Variants in TMCC1 observed in about 807,000 individuals in gnomAD.
TMCC1 encodes the protein transmembrane and coiled-coil domain family 1.
Under a neutral mutation model 52.4 loss-of-function variants are expected in TMCC1, and 15 were observed. The observed-to-expected ratio is 0.29, with a 90% CI of 0.19 to 0.44. The LOEUF is 0.44. Ranked by LOEUF, TMCC1 falls within the 20% of genes least tolerant of loss-of-function variation. The pLI is 1.00. For synonymous variants in TMCC1, 279 were observed against 301.9 expected (o/e 0.92, Z 0.79); for missense variants, 503 against 806.0 (o/e 0.62, Z 4.55).
At chr3:129,758,481 GAACCCAAAT>G (rs1488092129) in intron 4 of TMCC1, among the ~76,000 whole-genome samples, 2 of 152,152 alleles carry the variant, frequency 1.3e-5, no homozygotes, top group Non-Finnish European at 2.9e-5. Flanking sequence ...GCTAAATCCA[GAACCCAAAT>G]CTTGGTTGCT....
chr3:129,734,384 A>G (rs1014456699), intron 4 of TMCC1, among the ~76,000 whole-genome samples: 2 of 152,206 alleles, frequency 1.3e-5, no homozygotes, highest in Admixed American at 6.5e-5. Context: ...AAACAAAACT[A>G]TATGTTTTTT....
chr3:129,840,731 A>G (rs147686642), intron 2 of TMCC1, among the ~76,000 whole-genome samples: 23 of 152,322 alleles, frequency 1.5e-4, no homozygotes, highest in African/African-American at 4.8e-4. Flanking sequence ...CATGTAAGAC[A>G]TGCCTTTCTT....
chr3:129,756,108 A>G, intron 4 of TMCC1, among the ~76,000 whole-genome samples: 1 of 125,654 alleles, frequency 8.0e-6, no homozygotes, highest in Non-Finnish European at 1.8e-5. Flanking sequence ...AAGAAAAAAA[A>G]AAAAAAAGAA....
At chr3:129,841,069 T>C (rs1036217024) in intron 2 of TMCC1, among the ~76,000 whole-genome samples, 3 of 152,200 alleles carry the variant, frequency 2.0e-5, no homozygotes, top group African/African-American at 4.8e-5. Context: ...GATTGTGATA[T>C]GGACAATGAA....
intron 4 of TMCC1, among the ~76,000 whole-genome samples, chr3:129,826,379 C>T (rs954085466): frequency 2.7e-5 from 4 of 150,662 alleles, no homozygotes; most frequent in African/African-American, 7.3e-5. Flanking sequence ...TGCTGGCATG[C>T]GCCTGTAGTA....
rs145583814 is a variant in TMCC1 at position 129,820,440 on chromosome 3, C to T, written c.576+7363G>A. 3.6e-3 allele frequency among the ~76,000 whole-genome samples: 544 copies of T among 151,976 alleles called. 2 individuals are homozygous for T. Among genetic ancestry groups the T allele is most frequent in the Non-Finnish European group, 6.1e-3 (418 of 67,978 alleles). ...AGAAGGGATTATTCAGGAAGAGACA[C>T]AATGTGAAGGCAATTCATGCCTGCA... is the stretch of plus-strand genomic sequence containing the variant. On this transcript the variant is annotated intron_variant, in intron 4 of 6. Coordinates refer to ENST00000393238, the MANE Select transcript of TMCC1 (RefSeq NM_001017395.5).
intron 4 of TMCC1, among the ~76,000 whole-genome samples, chr3:129,759,637 C>G (rs1197914962): frequency 6.7e-6 from 1 of 149,382 alleles, no homozygotes; most frequent in African/African-American, 2.5e-5. Flanking sequence ...AAACTCCTGG[C>G]CTCAAGTGAT....
intron 1 of TMCC1, among the ~76,000 whole-genome samples, chr3:129,882,296 AAACTACAATCAG>A (rs1188443261): frequency 1.4e-4 from 21 of 152,124 alleles, no homozygotes; most frequent in Admixed American, 1.4e-3. Flanking sequence ...ATGCAAATCA[AAACTACAATCAG>A]ATACCACTCA....
intron 2 of TMCC1, among the ~76,000 whole-genome samples, chr3:129,873,323 C>T (rs989957743): frequency 1.4e-5 from 2 of 141,766 alleles, no homozygotes; most frequent in African/African-American, 5.3e-5. Context: ...ACGAAAAACC[C>T]AAAAGAAAAA....
rs143364044 is a variant in TMCC1, at chr3:129,733,738, C to T, written c.577-62474G>A. 6.0e-4 allele frequency among the ~76,000 whole-genome samples: 92 copies of T among 152,220 alleles called. 1 individual carries two copies. Among genetic ancestry groups the T allele is most frequent in the Non-Finnish European group, 1.0e-3 (69 of 68,018 alleles). On this transcript the variant is annotated intron_variant, in intron 4 of 6. Transcript: ENST00000393238. ...CAAGCAGCATTTCATTCAGAATAGCCTACCAACCTGTTTGTATAATTAAGC... is the reference window on the plus strand; with the variant it reads ...CAAGCAGCATTTCATTCAGAATAGCTTACCAACCTGTTTGTATAATTAAGC...
Position 129,816,807 on chromosome 3 carries a change from T to C in TMCC1, c.576+10996A>G, listed in dbSNP as rs145457439. Reference sequence around the variant, plus strand: ...AGGAGGCTGAGATGGGAGGATTACTTGAGCCCAGGAGTTTGAGATCAGCCT... The same window carrying C: ...AGGAGGCTGAGATGGGAGGATTACTCGAGCCCAGGAGTTTGAGATCAGCCT... On this transcript the variant is annotated intron_variant, in intron 4 of 6. Coordinates refer to ENST00000393238, the MANE Select transcript of TMCC1 (RefSeq NM_001017395.5). 3.8e-3 allele frequency among the ~76,000 whole-genome samples: 581 copies of C among 152,218 alleles called. 6 individuals are homozygous for C. Among genetic ancestry groups the C allele is most frequent in the African/African-American group, 0.013 (552 of 41,544 alleles).
At chr3:129,732,431 C>G (rs2050615479) in intron 4 of TMCC1, among the ~76,000 whole-genome samples, 1 of 152,266 alleles carries the variant, frequency 6.6e-6, no homozygotes, top group South Asian at 2.1e-4. Context: ...ACCCCTACTT[C>G]ATTTCTCAAA....
chr3:129,698,907 G>C (rs986438887), intron 4 of TMCC1, among the ~76,000 whole-genome samples: 1 of 151,998 alleles, frequency 6.6e-6, no homozygotes, highest in African/African-American at 2.4e-5. Context: ...CAATCAACTT[G>C]ACAATATAGA....
chr3:129,647,906 A>T lies in TMCC1; in HGVS notation c.*3575T>A, dbSNP rs956037539. On this transcript the variant is annotated 3_prime_UTR_variant, in exon 7 of 7. Transcript: ENST00000393238. Reference sequence around the variant, plus strand: ...CTCTCTCAACAATTAGCAGCTTAAGATCTATCAACTACAGTGTTAACGTTC... The same window carrying T: ...CTCTCTCAACAATTAGCAGCTTAAGTTCTATCAACTACAGTGTTAACGTTC... 6.5e-6 allele frequency: 1 copy of T among 152,672 alleles called. No homozygotes were observed. The highest frequency in any genetic ancestry group is 2.4e-5 in the African/African-American group (1 of 41,476). The allele number at this position is 152,672 out of a possible 1,614,324, so 9.5% of individuals were successfully genotyped here. A position where few individuals can be genotyped will look rare whatever the true frequency, so the allele number is the denominator to read the frequency against.
chr3:129,884,458 T>A (rs910430547), intron 1 of TMCC1, among the ~76,000 whole-genome samples: 1 of 152,102 alleles, frequency 6.6e-6, no homozygotes, highest in Non-Finnish European at 1.5e-5. Context: ...TGCAACCCCA[T>A]TTCTACAAAA....
intron 2 of TMCC1, among the ~76,000 whole-genome samples, chr3:129,864,856 G>A (rs1468343254): frequency 1.3e-5 from 2 of 152,048 alleles, no homozygotes; most frequent in East Asian, 3.9e-4. Flanking sequence ...AAGGTTATTT[G>A]GTAAATAAAA....
At chr3:129,756,619 G>A (rs556038025) in intron 4 of TMCC1, among the ~76,000 whole-genome samples, 1 of 152,050 alleles carries the variant, frequency 6.6e-6, no homozygotes, top group Non-Finnish European at 1.5e-5. Context: ...AGATGGTCTC[G>A]ATCTCTTGAC....
intron 5 of TMCC1, among the ~76,000 whole-genome samples, chr3:129,663,840 C>G (rs867057843): frequency 4.6e-5 from 7 of 152,158 alleles, no homozygotes; most frequent in Non-Finnish European, 7.4e-5. Context: ...AGCTCCTACT[C>G]TAAACCAAAC....
intron 2 of TMCC1, among the ~76,000 whole-genome samples, chr3:129,852,641 T>C: frequency 6.6e-6 from 1 of 152,112 alleles, no homozygotes; most frequent in East Asian, 1.9e-4. Context: ...ACATTATGAA[T>C]GTATTTAATA....
Sources: allele counts gnomAD v4.1 joint callset (sites outside exome capture counted in the v4.1 genomes callset), GRCh38; gene constraint gnomAD v4.1.1; transcripts MANE v1.5; gene names NCBI Gene and HGNC (gene_info 2026-07-23, HGNC 2026-07-21).